Variants in RAI14 observed in about 807,000 individuals in gnomAD.
RAI14 encodes retinoic acid induced 14.
A neutral mutation model predicts 115.4 loss-of-function variants in RAI14; 45 were observed. The ratio of observed to expected loss-of-function variants is 0.39; its 90% CI spans 0.31 to 0.50. The LOEUF is 0.50. RAI14 is among the 20% of genes least tolerant of loss of function. The pLI is 0.85. For missense variants in RAI14, 939 were observed against 1,131.2 expected, an observed-to-expected ratio of 0.83 and a Z score of 2.44; for synonymous variants, 371 against 415.4, an observed-to-expected ratio of 0.89 and a Z score of 1.30.
At chr5:34,774,272 G>A (rs755093524) in intron 3 of RAI14, among the ~76,000 whole-genome samples, 1 of 152,124 alleles carries the variant, frequency 6.6e-6, no homozygotes, top group Non-Finnish European at 1.5e-5. Flanking sequence ...TTGGGAGGCT[G>A]AGGAAGGAGA....
chr5:34,811,776 C>T lies in RAI14; in HGVS notation c.567C>T (p.Leu189=), dbSNP rs547450865. The T allele has an allele frequency of 1.9e-6, 3 of 1,612,496 alleles. No individual in the cohort carries two copies. In the African/African-American group the frequency reaches 4.0e-5, roughly 22 times the overall value. ...CTCTTTTTTCCTTTAGAACTGCTCTCATGCTGGCCTGTGAGATTGGCAGCT... is the reference window on the plus strand; with the variant it reads ...CTCTTTTTTCCTTTAGAACTGCTCTTATGCTGGCCTGTGAGATTGGCAGCT... The part of the protein sequence containing the change: ...NSRNKSGRTA[L]MLACEIGSSN... Residue 189 remains leucine (L), a synonymous_variant, in exon 9 of 18, where the codon CTC becomes CTT. Transcript: ENST00000265109.
intron 3 of RAI14, among the ~76,000 whole-genome samples, chr5:34,764,136 C>G (rs1055949366): frequency 6.6e-6 from 1 of 152,202 alleles, no homozygotes; most frequent in Non-Finnish European, 1.5e-5. Flanking sequence ...CAGGCGTGAG[C>G]CACTGCACCC....
chr5:34,662,911 T>C (rs1742811975), intron 1 of RAI14, among the ~76,000 whole-genome samples: 1 of 151,742 alleles, frequency 6.6e-6, no homozygotes, highest in Non-Finnish European at 1.5e-5. Flanking sequence ...GTATTTTTAG[T>C]AGAGATGGGG....
chr5:34,759,329 A>G (rs548879261), intron 3 of RAI14, among the ~76,000 whole-genome samples: 1 of 152,210 alleles, frequency 6.6e-6, no homozygotes, highest in Admixed American at 6.5e-5. Flanking sequence ...AAAAAGTCTA[A>G]GGGGTCCCCA....
At chr5:34,757,255 G>T (rs1580153220) in intron 2 of RAI14, 2 of 619,902 alleles carry the variant, frequency 3.2e-6, no homozygotes, top group African/African-American at 1.8e-5. Flanking sequence ...GACTAGCCGT[G>T]ATTTCATTGC....
chr5:34,793,757 A>C (rs536354523), intron 3 of RAI14, among the ~76,000 whole-genome samples: 2 of 152,182 alleles, frequency 1.3e-5, no homozygotes, highest in Middle Eastern at 3.4e-3. Flanking sequence ...GATACTTTTG[A>C]TTTAGTTTTC....
chr5:34,818,945 A>C lies in RAI14; in HGVS notation c.994+94A>C. Reference sequence around the variant, plus strand: ...CAAAGGCCAAGCTGGGGTACTGTGTAAAAATGTCACAAGCCAGCATGTCCA... The same window carrying C: ...CAAAGGCCAAGCTGGGGTACTGTGTCAAAATGTCACAAGCCAGCATGTCCA... On this transcript the variant is annotated intron_variant, in intron 13 of 17. Coordinates refer to ENST00000265109, the MANE Select transcript of RAI14 (RefSeq NM_015577.3). The C allele has an allele frequency of 3.4e-6, 4 of 1,166,200 alleles. No individual in the cohort carries two copies. In the East Asian group the frequency reaches 7.1e-5, roughly 21 times the overall value. The allele number at this position is 1,166,200 out of a possible 1,614,324, so 72.2% of individuals were successfully genotyped here. A position where few individuals can be genotyped will look rare whatever the true frequency, so the allele number is the denominator to read the frequency against.
chr5:34,823,232 G>T lies in RAI14; in HGVS notation c.1390G>T (p.Ala464Ser). ...QLQVELQSRR[A>S]ELVCLNNTEI... ...ACAGGTCGAACTCCAATCCCGAAGG[G>T]CAGAACTGGTATGCTTAAACAACAC... Residue 464 changes from alanine to serine, a missense_variant, in exon 15 of 18, where the codon GCA becomes TCA. Physicochemically the swap from Ala to Ser is moderately conservative, Grantham distance 99. Transcript: ENST00000265109. The surrounding 1 kb of genome is among the most constrained non-coding windows in gnomAD (Gnocchi z 4.5). The T allele has an allele frequency of 6.2e-7, 1 of 1,614,068 alleles. No individual in the cohort carries two copies. The highest frequency in any genetic ancestry group is 8.5e-7 in the Non-Finnish European group (1 of 1,180,028).
intron 3 of RAI14, among the ~76,000 whole-genome samples, chr5:34,790,838 A>G (rs1431952653): frequency 6.6e-6 from 1 of 151,462 alleles, no homozygotes; most frequent in Non-Finnish European, 1.5e-5. Context: ...TTCATTACTG[A>G]AGAACCCTCA....
chr5:34,750,848 ATTT>A lies in RAI14; in HGVS notation c.37-6601_37-6599del, dbSNP rs869028180. Among the ~76,000 whole-genome samples, 6 of 83,618 alleles carry A rather than the reference ATTT, an allele frequency of 7.2e-5. No individual in the cohort carries two copies. In the South Asian group the frequency reaches 1.3e-3, roughly 19 times the overall value. The allele number at this position is 83,618 out of a possible 152,430, so 54.9% of individuals were successfully genotyped here. On this transcript the variant is annotated intron_variant, in intron 2 of 17. Coordinates refer to ENST00000265109, the MANE Select transcript of RAI14 (RefSeq NM_015577.3). ...GACCTTATCCTTACTTTGCTTTATCATTTTTTTTTTTTTTTTTTTTTGAGGTGG... is the reference window on the plus strand; with the variant it reads ...GACCTTATCCTTACTTTGCTTTATCATTTTTTTTTTTTTTTTTTGAGGTGG...
chr5:34,698,837 A>G (rs558792889), intron 2 of RAI14, among the ~76,000 whole-genome samples: 25 of 152,246 alleles, frequency 1.6e-4, no homozygotes, highest in African/African-American at 5.3e-4. Context: ...CCGTAACCAG[A>G]AAAGGGGGCC....
intron 1 of RAI14, among the ~76,000 whole-genome samples, chr5:34,660,410 T>C (rs559720419): frequency 6.6e-6 from 1 of 152,218 alleles, no homozygotes; most frequent in Non-Finnish European, 1.5e-5. Flanking sequence ...TACTCCAGCC[T>C]GGGCAACAAG....
At chr5:34,658,358 T>C (rs1742440085) in intron 1 of RAI14, among the ~76,000 whole-genome samples, 1 of 152,202 alleles carries the variant, frequency 6.6e-6, no homozygotes, top group African/African-American at 2.4e-5. Flanking sequence ...TACTATCACC[T>C]AGGCTTTAAA....
intron 2 of RAI14, among the ~76,000 whole-genome samples, chr5:34,746,077 T>C (rs1746149237): frequency 8.1e-6 from 1 of 123,358 alleles, no homozygotes; most frequent in African/African-American, 3.0e-5. Flanking sequence ...CTCCTCCCCT[T>C]ATACACCACC....
intron 4 of RAI14, among the ~76,000 whole-genome samples, chr5:34,800,142 G>A (rs1263825003): frequency 6.6e-6 from 1 of 152,158 alleles, no homozygotes; most frequent in East Asian, 1.9e-4. Flanking sequence ...ATTTTAGATT[G>A]ATACTACTTA....
chr5:34,820,715 T>G (rs74412579), intron 13 of RAI14, among the ~76,000 whole-genome samples: 2,004 of 152,320 alleles, frequency 0.013, 47 homozygotes, highest in African/African-American at 0.045. Flanking sequence ...ACTTTCTAGA[T>G]GAAGGAAGCA....
At chr5:34,723,141 A>G (rs1156841621) in intron 2 of RAI14, among the ~76,000 whole-genome samples, 1 of 149,530 alleles carries the variant, frequency 6.7e-6, no homozygotes, top group Non-Finnish European at 1.5e-5. Flanking sequence ...TATTTTATGG[A>G]TCCACTGTGG....
At chr5:34,793,904 AT>A (rs1249558107) in intron 3 of RAI14, among the ~76,000 whole-genome samples, 1 of 152,232 alleles carries the variant, frequency 6.6e-6, no homozygotes, top group Non-Finnish European at 1.5e-5. Flanking sequence ...CAATTCAATA[AT>A]TGAGGAGACT....
intron 4 of RAI14, among the ~76,000 whole-genome samples, chr5:34,797,694 T>G (rs1460206509): frequency 1.3e-5 from 2 of 152,218 alleles, no homozygotes; most frequent in Non-Finnish European, 2.9e-5. Context: ...CCAATTAAAG[T>G]CATCTTTAAA....
Sources: allele counts gnomAD v4.1 joint callset (sites outside exome capture counted in the v4.1 genomes callset), GRCh38; gene constraint gnomAD v4.1.1; non-coding constraint Gnocchi (gnomAD v3.1); transcripts MANE v1.5; gene names NCBI Gene and HGNC (gene_info 2026-07-23, HGNC 2026-07-21).